The following RPS6KC1 variants were observed in gnomAD, a reference collection of about 807,000 sequenced individuals.
The protein encoded by RPS6KC1 is inactive ribosomal protein S6 kinase delta-1.
In RPS6KC1, 54 loss-of-function variants were observed where a neutral mutation model predicts 103.8. That is an observed-to-expected ratio of 0.52 (90% CI 0.42 to 0.65). The LOEUF (loss-of-function observed/expected upper bound fraction) is 0.65, where lower values mean the gene tolerates loss of function less well. Among genes scored for constraint, RPS6KC1 ranks in the 30% least tolerant of loss-of-function variants. The pLI, the probability that RPS6KC1 is intolerant of heterozygous loss-of-function variation, is 0.00. For synonymous variants in RPS6KC1, 439 were observed against 438.7 expected, an observed-to-expected ratio of 1.00 and a Z score of -0.01; for missense variants, 1,151 against 1,253.8, an observed-to-expected ratio of 0.92 and a Z score of 1.24.
chr1:213,697,620 T>C, the RPS6KC1 span, among the ~76,000 whole-genome samples: 1 of 152,200 alleles, frequency 6.6e-6, no homozygotes, highest in South Asian at 2.1e-4. Context: ...AGTTCAGAAG[T>C]GGTGGGAGGA....
At chr1:213,170,774 A>G (rs1183523908) in intron 7 of RPS6KC1, among the ~76,000 whole-genome samples, 1 of 152,148 alleles carries the variant, frequency 6.6e-6, no homozygotes, top group Non-Finnish European at 1.5e-5. Context: ...TTATTTTCTC[A>G]TGTATAATTT....
chr1:213,650,785 C>T, the RPS6KC1 span, among the ~76,000 whole-genome samples: 1 of 152,010 alleles, frequency 6.6e-6, no homozygotes, highest in Non-Finnish European at 1.5e-5. Flanking sequence ...TCCTGCCAAA[C>T]CAATCAATAA....
the RPS6KC1 span, among the ~76,000 whole-genome samples, chr1:213,845,006 A>G: frequency 6.6e-6 from 1 of 152,002 alleles, no homozygotes; most frequent in East Asian, 1.9e-4. Context: ...AAACTTGTCA[A>G]TCCTCCAGAC....
the RPS6KC1 span, among the ~76,000 whole-genome samples, chr1:213,501,702 C>T: frequency 1.3e-5 from 2 of 150,264 alleles, no homozygotes; most frequent in African/African-American, 4.9e-5. Context: ...ACCACTGCAC[C>T]CCAGCCTGGG....
At chr1:213,429,470 G>A in the RPS6KC1 span, among the ~76,000 whole-genome samples, 2 of 152,280 alleles carry the variant, frequency 1.3e-5, no homozygotes, top group East Asian at 1.9e-4. Flanking sequence ...GTGGGGACAT[G>A]TTAACAATTG....
At chr1:213,526,843 GTTC>G in the RPS6KC1 span, among the ~76,000 whole-genome samples, 1 of 152,120 alleles carries the variant, frequency 6.6e-6, no homozygotes, top group Non-Finnish European at 1.5e-5. Flanking sequence ...GTTACTGTTT[GTTC>G]TTAAGAGTAA....
At chr1:213,324,593 C>CTTT in the RPS6KC1 span, among the ~76,000 whole-genome samples, 22 of 81,818 alleles carry the variant, frequency 2.7e-4, no homozygotes, top group African/African-American at 6.5e-4. Context: ...GCTCGATATG[C>CTTT]TTTTTTTTTT....
At chr1:213,104,709 G>C in intron 4 of RPS6KC1, 140 bp downstream of exon 4, 1 of 422,512 alleles carries the variant, frequency 2.4e-6, no homozygotes, top group Non-Finnish European at 4.2e-6. Context: ...TAATGTTTAT[G>C]GCATATTTCC....
chr1:213,524,028 G>C, the RPS6KC1 span, among the ~76,000 whole-genome samples: 1 of 152,142 alleles, frequency 6.6e-6, no homozygotes, highest in Non-Finnish European at 1.5e-5. Context: ...GACTCCCAAA[G>C]AGCATAGGAC....
At chr1:213,802,988 C>T in the RPS6KC1 span, among the ~76,000 whole-genome samples, 10 of 152,248 alleles carry the variant, frequency 6.6e-5, no homozygotes, top group South Asian at 2.1e-4. Context: ...TACTGAGTAA[C>T]GGCAACCTAA....
chr1:213,460,456 C>T, the RPS6KC1 span, among the ~76,000 whole-genome samples: 2 of 137,974 alleles, frequency 1.4e-5, no homozygotes, highest in Non-Finnish European at 3.1e-5. Flanking sequence ...ATTCTTCCAT[C>T]CCTTTATTTT....
chr1:213,739,836 T>G, the RPS6KC1 span, among the ~76,000 whole-genome samples: 2 of 152,176 alleles, frequency 1.3e-5, no homozygotes, highest in African/African-American at 4.8e-5. Context: ...TTCAAAAGTA[T>G]GCCCCCCGTG....
chr1:213,124,092 C>T (rs764543158), intron 5 of RPS6KC1, among the ~76,000 whole-genome samples: 7 of 152,116 alleles, frequency 4.6e-5, no homozygotes, highest in Non-Finnish European at 7.4e-5. Context: ...GCTAAATAAA[C>T]GCCTATGTCT....
intron 8 of RPS6KC1, among the ~76,000 whole-genome samples, chr1:213,202,190 TTTGA>T (rs1362449025): frequency 6.6e-6 from 1 of 152,138 alleles, no homozygotes; most frequent in Admixed American, 6.5e-5. Context: ...ACTGAATTTC[TTTGA>T]TTATTATAAC....
chr1:213,745,468 A>G, the RPS6KC1 span, among the ~76,000 whole-genome samples: 1 of 151,958 alleles, frequency 6.6e-6, no homozygotes, highest in Non-Finnish European at 1.5e-5. Flanking sequence ...AAAAGGCTAC[A>G]GCTCCTGGAG....
intron 8 of RPS6KC1, among the ~76,000 whole-genome samples, chr1:213,212,380 A>C (rs2093533437): frequency 6.6e-6 from 1 of 152,026 alleles, no homozygotes; most frequent in African/African-American, 2.4e-5. Context: ...AGTAATATGC[A>C]TTTAAGGTTT....
At chr1:213,548,157 C>T in the RPS6KC1 span, among the ~76,000 whole-genome samples, 32 of 152,180 alleles carry the variant, frequency 2.1e-4, no homozygotes, top group Non-Finnish European at 3.4e-4. Context: ...AGTTACAGAG[C>T]AGCAAAAGTG....
chr1:213,190,798 T>C (rs555065340), intron 8 of RPS6KC1, among the ~76,000 whole-genome samples: 1 of 152,362 alleles, frequency 6.6e-6, no homozygotes, highest in African/African-American at 2.4e-5. Flanking sequence ...AAGTCTTTAA[T>C]AATCAATTTT....
chr1:213,162,687 A>G (rs2090595816), intron 6 of RPS6KC1, among the ~76,000 whole-genome samples: 1 of 152,254 alleles, frequency 6.6e-6, no homozygotes, highest in Admixed American at 6.5e-5. Flanking sequence ...GTTGAATCTA[A>G]GAACACTGTC....
Sources: gnomAD v4.1 joint callset for allele counts (sites outside exome capture counted in the v4.1 genomes callset) on GRCh38, gnomAD v4.1.1 for gene constraint, MANE v1.5 for transcripts, NCBI Gene and HGNC (gene_info 2026-07-23, HGNC 2026-07-21) for gene names.